The following STK10 variants were observed in gnomAD, a reference collection of about 807,000 sequenced individuals.
STK10 encodes the protein serine/threonine kinase 10, also known as serine/threonine-protein kinase 10.
A neutral mutation model predicts 113.8 loss-of-function variants in STK10; 78 were observed. The observed-to-expected ratio is 0.69, with a 90% CI of 0.57 to 0.83. The LOEUF is 0.83. Ranked by LOEUF, STK10 falls within the 40% of genes least tolerant of loss-of-function variation. The pLI, the probability that STK10 is intolerant of heterozygous loss-of-function variation, is 0.00. For missense variants in STK10, 1,109 were observed against 1,280.1 expected, an observed-to-expected ratio of 0.87 and a Z score of 2.04; for synonymous variants, 465 against 494.7, an observed-to-expected ratio of 0.94 and a Z score of 0.80.
intron 1 of STK10, among the ~76,000 whole-genome samples, chr5:172,186,778 A>C (rs1278292977): frequency 6.6e-6 from 1 of 152,148 alleles, no homozygotes; most frequent in Non-Finnish European, 1.5e-5. Context: ...CACTTCTGAC[A>C]AGCTCCCAAA....
rs777293401 is a variant in STK10 at position 172,093,840 on chromosome 5, T to G, written c.1126A>C (p.Asn376His). ...CCAGAGGGCTGGCTGCAGGGCTCATTCACACTGTCCTGAGACTGGCTGGGT... is the reference window on the plus strand; with the variant it reads ...CCAGAGGGCTGGCTGCAGGGCTCATGCACACTGTCCTGAGACTGGCTGGGT... ...LAPSQSQDSV[N>H]EPCSQPSGDR... is the part of the protein sequence containing the mutation. The change falls in exon 9 of 19, where the codon AAT (asparagine) becomes CAT (histidine). Residue 376 changes from asparagine (N) to histidine (H), a missense_variant. Coordinates refer to ENST00000176763, the MANE Select transcript of STK10 (RefSeq NM_005990.4). This position sits in a 1 kb window ranked among gnomAD's most constrained non-coding sequence, Gnocchi z 4.1. The G allele has an allele frequency of 6.2e-7, 1 of 1,601,598 alleles. No homozygotes were observed. Among genetic ancestry groups the G allele is most frequent in the Non-Finnish European group, 8.5e-7 (1 of 1,171,748 alleles).
rs1199163215 is a variant in STK10 at position 172,133,173 on chromosome 5, G to C, written c.322-5752C>G. 2.0e-5 allele frequency among the ~76,000 whole-genome samples: 3 copies of C among 152,184 alleles called. No homozygotes were observed. Among genetic ancestry groups the C allele is most frequent in the Non-Finnish European group, 4.4e-5 (3 of 68,038 alleles). The stretch of plus-strand genomic sequence containing the variant: ...CTAGAACTTGAACATCTCAAAGTAT[G>C]AACCTAATCTGGAGAGCTGTGTGTG... On this transcript the variant is annotated intron_variant, in intron 2 of 18. Transcript: ENST00000176763. This position sits in a 1 kb window ranked among gnomAD's most constrained non-coding sequence, Gnocchi z 4.9.
At chr5:172,177,986 A>G (rs764424963) in intron 1 of STK10, among the ~76,000 whole-genome samples, 4 of 151,982 alleles carry the variant, frequency 2.6e-5, no homozygotes, top group Non-Finnish European at 5.9e-5. Context: ...GAGCCACCAC[A>G]CCCAGCTAAT....
chr5:172,092,079 C>T (rs1477399529), intron 9 of STK10, among the ~76,000 whole-genome samples: 1 of 152,250 alleles, frequency 6.6e-6, no homozygotes, highest in African/African-American at 2.4e-5. Flanking sequence ...ATGCCCGACT[C>T]TCATCTCTCT....
rs1298372378 is a variant in STK10 at position 172,057,381 on chromosome 5, G to A, written c.2305C>T (p.Gln769Ter). 2.6e-6 allele frequency: 4 copies of A among 1,564,900 alleles called. No homozygotes were observed. Among genetic ancestry groups the A allele is most frequent in the Non-Finnish European group, 3.5e-6 (4 of 1,154,672 alleles). ...TGCTTGCGCAGCAGCTCGTGCCGCT[G>A]GAGGAAGTACTGGTCTTTGAGCTGC... ...KQQLKDQYFL[Q>*]RHELLRKHEK... The change falls in exon 15 of 19, where the codon CAG becomes TAG. Residue 769 changes from glutamine (Q) to a stop codon, truncating the protein, a stop_gained. Transcript: ENST00000176763. LOFTEE classifies it high-confidence loss of function.
chr5:172,122,751 G>A (rs527549824), intron 3 of STK10, among the ~76,000 whole-genome samples: 155 of 152,298 alleles, frequency 1.0e-3, no homozygotes, highest in Non-Finnish European at 1.9e-3. Context: ...AGCCTCCCAA[G>A]TAGCTGGGAC....
In STK10 at chr5:172,188,194, A is replaced by T; in HGVS notation, c.-152T>A. On this transcript the variant is annotated 5_prime_UTR_variant, in exon 1 of 19. It adds an upstream start codon to the 5' untranslated region. Coordinates refer to ENST00000176763, the MANE Select transcript of STK10 (RefSeq NM_005990.4). The surrounding 1 kb of genome is among the most constrained non-coding windows in gnomAD (Gnocchi z 5.6). ...TTTCCCCGCAGCCCGACCTCGGTCA[A>T]GTGTGCCCTGGGCAGCGCCGCGCCG... 1 of 1,347,416 alleles carries T rather than the reference A, an allele frequency of 7.4e-7. No individual in the cohort carries two copies. The highest frequency in any genetic ancestry group is 9.8e-7 in the Non-Finnish European group (1 of 1,020,264). 83.5% of individuals were successfully genotyped at this position (1,347,416 alleles called of 1,614,324 possible).
In STK10 at chr5:172,155,045, T is replaced by C. The variant is rs554213428; in HGVS notation, c.321+1579A>G. Among the ~76,000 whole-genome samples the C allele has an allele frequency of 6.3e-5, 8 of 126,444 alleles. No homozygotes were observed. The South Asian group carries it at 1.9e-3, about 31-fold the overall frequency. 83.0% of individuals were successfully genotyped at this position (126,444 alleles called of 152,430 possible). A position where few individuals can be genotyped will look rare whatever the true frequency, so the allele number is the denominator to read the frequency against. ...CATAATAGCTATTTTTCTTAATGGG[T>C]ACATAGTCAGCAGGCCAACAAATGC... On this transcript the variant is annotated intron_variant, in intron 2 of 18. Coordinates refer to ENST00000176763, the MANE Select transcript of STK10 (RefSeq NM_005990.4).
chr5:172,097,624 T>A (rs146918530), intron 7 of STK10, among the ~76,000 whole-genome samples: 2 of 152,370 alleles, frequency 1.3e-5, no homozygotes, highest in East Asian at 3.9e-4. Flanking sequence ...GGTCTCACTG[T>A]ATGACTACGG....
chr5:172,082,650 G>T lies in STK10; in HGVS notation c.1810-145C>A. ...CTACTACCCCGTTGCTGTGTGACCTGGGGCAAGTTACTTAGCCTGAGTCTC... is the reference window on the plus strand; with the variant it reads ...CTACTACCCCGTTGCTGTGTGACCTTGGGCAAGTTACTTAGCCTGAGTCTC... On this transcript the variant is annotated intron_variant, in intron 11 of 18. Coordinates refer to ENST00000176763, the MANE Select transcript of STK10 (RefSeq NM_005990.4). The surrounding 1 kb of genome is among the most constrained non-coding windows in gnomAD (Gnocchi z 4.3). 8.9e-7 allele frequency: 1 copy of T among 1,121,662 alleles called. No individual in the cohort carries two copies. Among genetic ancestry groups the T allele is most frequent in the Non-Finnish European group, 1.2e-6 (1 of 813,878 alleles). 69.5% of individuals were successfully genotyped at this position (1,121,662 alleles called of 1,614,324 possible).
chr5:172,116,902 G>T (rs1273737650), intron 4 of STK10, among the ~76,000 whole-genome samples: 1 of 151,962 alleles, frequency 6.6e-6, no homozygotes, highest in Non-Finnish European at 1.5e-5. Flanking sequence ...TTTGATATAT[G>T]TGCTTAATGT....
At chr5:172,078,077 C>CTGG (rs1768352067) in intron 12 of STK10, among the ~76,000 whole-genome samples, 1 of 152,186 alleles carries the variant, frequency 6.6e-6, no homozygotes. Flanking sequence ...GCCAGACCTC[C>CTGG]CATTCCTACT....
Position 172,187,785 on chromosome 5 carries a change from C to T in STK10, c.156+102G>A. On this transcript the variant is annotated intron_variant, in intron 1 of 18. Transcript: ENST00000176763. The surrounding 1 kb of genome is among the most constrained non-coding windows in gnomAD (Gnocchi z 4.6). ...CAGGGACCCCGAATTCAGCGCCGGG[C>T]AGCCCTCGGAGCCGGAGCCAGGCTG... The T allele has an allele frequency of 6.7e-7, 1 of 1,499,432 alleles. No individual in the cohort carries two copies. The highest frequency in any genetic ancestry group is 9.0e-7 in the Non-Finnish European group (1 of 1,115,624). 92.9% of individuals were successfully genotyped at this position (1,499,432 alleles called of 1,614,324 possible). A position where few individuals can be genotyped will look rare whatever the true frequency, so the allele number is the denominator to read the frequency against.
rs377415998 is a variant in STK10 at position 172,054,217 on chromosome 5, G to A, written c.2652+352C>T. On this transcript the variant is annotated intron_variant, in intron 17 of 18. Transcript: ENST00000176763. ...AGCAAAAGCAGCCCACAAGGGGCTC[G>A]GCCACACCCCAACCACCTTTGCCCA... Among the ~76,000 whole-genome samples the A allele has an allele frequency of 7.2e-4, 110 of 152,194 alleles. 1 individual carries two copies. In the South Asian group the frequency reaches 0.015, roughly 21 times the overall value.
rs72841792 is a variant in STK10, at chr5:172,117,612, G to A, written c.389C>T (p.Thr130Met). The A allele has an allele frequency of 1.7e-5, 27 of 1,613,922 alleles. No homozygotes were observed. Among genetic ancestry groups the A allele is most frequent in the African/African-American group, 5.3e-5 (4 of 74,902 alleles). The change falls in exon 4 of 19, where the codon ACG (threonine) becomes ATG (methionine). Residue 130 changes from threonine (T) to methionine (M), a missense_variant. Physicochemically the swap from Thr to Met is moderately conservative, Grantham distance 81. Around this residue, in one of 5 missense-constraint regions of STK10, gnomAD observed 120 missense variants for 134.8 expected, o/e 0.89. Transcript: ENST00000176763. Reference sequence around the variant, plus strand: ...GCAAACCACCTGTATCTGGGGCTCCGTGAGGCCTCTGTCCAGCTCTGGAAA... The same window carrying A: ...GCAAACCACCTGTATCTGGGGCTCCATGAGGCCTCTGTCCAGCTCTGGAAA... ...AIMLELDRGL[T>M]EPQIQVVCRQ... is the part of the protein sequence containing the mutation.
chr5:172,131,187 CCA>C (rs1769748651), intron 2 of STK10, among the ~76,000 whole-genome samples: 2 of 152,102 alleles, frequency 1.3e-5, no homozygotes, highest in African/African-American at 4.8e-5. Flanking sequence ...GCGCCCGCCA[CCA>C]CATCCGGCTA....
intron 1 of STK10, among the ~76,000 whole-genome samples, chr5:172,174,097 A>T (rs1269116546): frequency 1.3e-5 from 2 of 151,910 alleles, no homozygotes; most frequent in Non-Finnish European, 2.9e-5. Context: ...CTGTCCAGGG[A>T]GAGGCAACAA....
In STK10 at chr5:172,093,546, C is replaced by A; in HGVS notation, c.1420G>T (p.Ala474Ser). ...KLANGSLEPPAQAAPGPSKRD... is the reference protein window; with the variant it reads ...KLANGSLEPPSQAAPGPSKRD... ...TTGGAAGGCCCTGGAGCTGCCTGGG[C>A]AGGTGGCTCCAGGCTGCCATTGGCC... Residue 474 changes from alanine (A) to serine (S), a missense_variant, in exon 9 of 19, where the codon GCC becomes TCC. Around this residue, in one of 5 missense-constraint regions of STK10, gnomAD observed 885 missense variants for 991.1 expected, o/e 0.89. Transcript: ENST00000176763. The surrounding 1 kb of genome is among the most constrained non-coding windows in gnomAD (Gnocchi z 4.1). The A allele has an allele frequency of 6.2e-7, 1 of 1,614,176 alleles. No homozygotes were observed. Among genetic ancestry groups the A allele is most frequent in the South Asian group, 1.1e-5 (1 of 91,086 alleles).
chr5:172,135,904 G>C (rs1376346844), intron 2 of STK10, among the ~76,000 whole-genome samples: 1 of 151,990 alleles, frequency 6.6e-6, no homozygotes, highest in Non-Finnish European at 1.5e-5. Context: ...GCACACGCCT[G>C]TAATCCCAGC....
Sources: gnomAD v4.1 joint callset for allele counts (sites outside exome capture counted in the v4.1 genomes callset) on GRCh38, gnomAD v4.1.1 for gene constraint, gnomAD v4.1.1 regional missense constraint, Gnocchi (gnomAD v3.1) non-coding constraint, MANE v1.5 for transcripts, NCBI Gene and HGNC (gene_info 2026-07-23, HGNC 2026-07-21) for gene names.